The following BCAR3 variants were observed in gnomAD, a reference collection of about 807,000 sequenced individuals.
BCAR3 encodes breast cancer anti-estrogen resistance protein 3.
In BCAR3, 37 loss-of-function variants were observed where a neutral mutation model predicts 80.1. The ratio of observed to expected loss-of-function variants is 0.46; its 90% CI spans 0.36 to 0.61. The LOEUF (loss-of-function observed/expected upper bound fraction) is 0.61, where lower values mean the gene tolerates loss of function less well. Ranked by LOEUF, BCAR3 falls within the 20% of genes least tolerant of loss-of-function variation. BCAR3 has a pLI of 0.00. For synonymous variants in BCAR3, 389 were observed against 418.9 expected (o/e 0.93, Z 0.87); for missense variants, 978 against 1,068.2 (o/e 0.92, Z 1.18).
In BCAR3 at chr1:93,777,411, C is replaced by G. The variant is rs899080894; in HGVS notation, c.-63+68156G>C. 3.9e-5 allele frequency among the ~76,000 whole-genome samples: 5 copies of G among 127,824 alleles called. No individual in the cohort carries two copies. The East Asian group carries it at 1.0e-3, about 26-fold the overall frequency. The allele number at this position is 127,824 out of a possible 152,430, so 83.9% of individuals were successfully genotyped here. A position where few individuals can be genotyped will look rare whatever the true frequency, so the allele number is the denominator to read the frequency against. ...CTTCCTCTTCTTCCTCTTCCTCCTCCTCTTCCTCCTCCTCTTCCTCCTCCT... is the reference window on the plus strand; with the variant it reads ...CTTCCTCTTCTTCCTCTTCCTCCTCGTCTTCCTCCTCCTCTTCCTCCTCCT... On this transcript the variant is annotated intron_variant, in intron 2 of 13. Transcript: ENST00000370244.
chr1:93,709,217 G>T (rs1170557764), intron 2 of BCAR3, among the ~76,000 whole-genome samples: 1 of 152,220 alleles, frequency 6.6e-6, no homozygotes, highest in Non-Finnish European at 1.5e-5. Flanking sequence ...GCGTGCTCAT[G>T]ACTGCTCAGG....
chr1:93,642,338 G>C lies in BCAR3; in HGVS notation c.323C>G (p.Pro108Arg), dbSNP rs1375850965. ...RHGETFTFRDPHLLDPTVEYV... is the reference protein window; with the variant it reads ...RHGETFTFRDRHLLDPTVEYV... Reference sequence around the variant, plus strand: ...TTCCACAGTTGGGTCCAGAAGATGTGGATCCCTGAAAAGAGAAAATATAAA... The same window carrying C: ...TTCCACAGTTGGGTCCAGAAGATGTCGATCCCTGAAAAGAGAAAATATAAA... Residue 108 changes from proline to arginine, a missense_variant, in exon 3 of 12, where the codon CCA becomes CGA. Physicochemically the swap from Pro to Arg is moderately radical, Grantham distance 103. Coordinates refer to ENST00000260502, the MANE Select transcript of BCAR3 (RefSeq NM_003567.4). The C allele has an allele frequency of 2.5e-6, 4 of 1,613,104 alleles. No homozygotes were observed. The highest frequency in any genetic ancestry group is 3.4e-6 in the Non-Finnish European group (4 of 1,179,110).
chr1:93,667,213 C>T (rs1647958968), intron 2 of BCAR3, among the ~76,000 whole-genome samples: 1 of 152,232 alleles, frequency 6.6e-6, no homozygotes. Context: ...GGCTTTGAGC[C>T]AGGCGTCCCA....
Position 93,628,161 on chromosome 1 carries a change from AG to A in BCAR3, c.357+14142del, listed in dbSNP as rs543296567. 1.7e-3 allele frequency among the ~76,000 whole-genome samples: 258 copies of A among 152,248 alleles called. 1 individual carries two copies. Among genetic ancestry groups the A allele is most frequent in the Admixed American group, 3.8e-3 (58 of 15,284 alleles). On this transcript the variant is annotated intron_variant, in intron 3 of 11. Coordinates refer to ENST00000260502, the MANE Select transcript of BCAR3 (RefSeq NM_003567.4). ...CCACTGACAACAGCACCATCCTACC[AG>A]TGTCAAGCATGGCTCCTCTCTTCTC...
At chr1:93,742,830 T>C (rs1378742651) in intron 2 of BCAR3, among the ~76,000 whole-genome samples, 2 of 152,152 alleles carry the variant, frequency 1.3e-5, no homozygotes, top group Admixed American at 1.3e-4. Context: ...AACCCACATA[T>C]AATTATTTCA....
At chr1:93,653,524 T>C (rs958472564) in intron 2 of BCAR3, among the ~76,000 whole-genome samples, 1 of 152,244 alleles carries the variant, frequency 6.6e-6, no homozygotes, top group South Asian at 2.1e-4. Flanking sequence ...TCTCCCATAG[T>C]TCTTGTATTC....
intron 3 of BCAR3, among the ~76,000 whole-genome samples, chr1:93,629,550 G>C (rs746462681): frequency 1.3e-5 from 2 of 152,146 alleles, no homozygotes; most frequent in Non-Finnish European, 2.9e-5. Context: ...TCTTTCTGAA[G>C]TTGAATACAA....
chr1:93,758,539 A>G (rs924771850), intron 2 of BCAR3, among the ~76,000 whole-genome samples: 1 of 152,234 alleles, frequency 6.6e-6, no homozygotes, highest in African/African-American at 2.4e-5. Flanking sequence ...GTCTAAATCT[A>G]TGACACTTTC....
chr1:93,721,876 T>C (rs1650415821), intron 2 of BCAR3, among the ~76,000 whole-genome samples: 1 of 152,232 alleles, frequency 6.6e-6, no homozygotes, highest in African/African-American at 2.4e-5. Context: ...GGTTAGGAGA[T>C]TGCCAGAGTG....
At chr1:93,710,953 G>A (rs998530453) in intron 2 of BCAR3, among the ~76,000 whole-genome samples, 5 of 152,294 alleles carry the variant, frequency 3.3e-5, no homozygotes, top group East Asian at 1.9e-4. Context: ...CTCCTGCCAC[G>A]CTCACTCATT....
At chr1:93,744,453 T>C (rs1017931823) in intron 2 of BCAR3, among the ~76,000 whole-genome samples, 2 of 152,126 alleles carry the variant, frequency 1.3e-5, no homozygotes, top group African/African-American at 4.8e-5. Context: ...AACAAATGAG[T>C]ACAAGAGAGA....
intron 3 of BCAR3, 147 bp downstream of exon 3, chr1:93,642,156 AG>A (rs1675999856): frequency 2.3e-6 from 2 of 868,636 alleles, no homozygotes; most frequent in Non-Finnish European, 3.8e-6. Flanking sequence ...CAAAGGCCTA[AG>A]GGAGTCAAAT....
chr1:93,751,016 C>T (rs1381196014), intron 2 of BCAR3, among the ~76,000 whole-genome samples: 1 of 152,196 alleles, frequency 6.6e-6, no homozygotes, highest in Non-Finnish European at 1.5e-5. Context: ...TCAGAACAGT[C>T]ACACTGGGTA....
chr1:93,746,381 A>G (rs530498827), intron 2 of BCAR3, among the ~76,000 whole-genome samples: 2 of 152,340 alleles, frequency 1.3e-5, no homozygotes, highest in East Asian at 1.9e-4. Context: ...TGCCTCTTGA[A>G]GTAAACACTT....
intron 2 of BCAR3, among the ~76,000 whole-genome samples, chr1:93,655,597 C>A (rs533713906): frequency 2.6e-5 from 4 of 152,320 alleles, no homozygotes; most frequent in Admixed American, 1.3e-4. Flanking sequence ...TGCCTCCAAG[C>A]ACTATACTAT....
At chr1:93,604,006 G>A (rs1281425314) in intron 3 of BCAR3, among the ~76,000 whole-genome samples, 2 of 152,220 alleles carry the variant, frequency 1.3e-5, no homozygotes, top group Non-Finnish European at 2.9e-5. Flanking sequence ...GCACCTTGAT[G>A]AAATAAATTT....
chr1:93,644,992 G>A (rs992932006), intron 2 of BCAR3, among the ~76,000 whole-genome samples: 11 of 152,198 alleles, frequency 7.2e-5, no homozygotes, highest in African/African-American at 2.7e-4. Flanking sequence ...TGGCTTGACT[G>A]TGCATATTTG....
chr1:93,797,202 C>G (rs531906291), intron 2 of BCAR3, among the ~76,000 whole-genome samples: 2 of 152,306 alleles, frequency 1.3e-5, no homozygotes, highest in African/African-American at 4.8e-5. Context: ...GGCATAGTCC[C>G]TCGTTAGCCA....
At chr1:93,635,815 T>G (rs1675763432) in intron 3 of BCAR3, among the ~76,000 whole-genome samples, 1 of 152,242 alleles carries the variant, frequency 6.6e-6, no homozygotes, top group Non-Finnish European at 1.5e-5. Context: ...TGCCATTGTT[T>G]TTGTAAGTCC....
Sources: gnomAD v4.1 joint callset for allele counts (sites outside exome capture counted in the v4.1 genomes callset) on GRCh38, gnomAD v4.1.1 for gene constraint, MANE v1.5 for transcripts, NCBI Gene and HGNC (gene_info 2026-07-23, HGNC 2026-07-21) for gene names.